MAST4: variants seen among roughly 807,000 people sequenced by gnomAD.
The protein encoded by MAST4 is microtubule associated serine/threonine kinase family member 4, also known as microtubule-associated serine/threonine-protein kinase 4.
A neutral mutation model predicts 162.7 loss-of-function variants in MAST4; 89 were observed. That is an observed-to-expected ratio of 0.55 (90% CI 0.46 to 0.65). The LOEUF (loss-of-function observed/expected upper bound fraction) is 0.65. Among genes scored for constraint, MAST4 ranks in the 30% least tolerant of loss-of-function variants. The pLI is 0.00. For missense variants in MAST4, 3,153 were observed against 3,374.0 expected, an observed-to-expected ratio of 0.93 and a Z score of 1.62; for synonymous variants, 1,479 against 1,361.1, an observed-to-expected ratio of 1.09 and a Z score of -1.91.
chr5:66,629,902 C>T (rs1350775633), intron 1 of MAST4, among the ~76,000 whole-genome samples: 2 of 152,132 alleles, frequency 1.3e-5, no homozygotes, highest in Non-Finnish European at 2.9e-5. Flanking sequence ...TATTTTGAAA[C>T]TTTGAAATAT....
intron 3 of MAST4, among the ~76,000 whole-genome samples, chr5:66,890,246 A>G (rs968054168): frequency 6.6e-6 from 1 of 152,138 alleles, no homozygotes; most frequent in African/African-American, 2.4e-5. Context: ...TAAACAATAA[A>G]CTAGAGCTGT....
intron 19 of MAST4, among the ~76,000 whole-genome samples, chr5:67,137,369 A>G (rs1312460883): frequency 6.6e-6 from 1 of 152,216 alleles, no homozygotes; most frequent in African/African-American, 2.4e-5. Context: ...AGTCTGCCCA[A>G]GTATGTGAAT....
At chr5:66,889,385 T>TG (rs1196458888) in intron 3 of MAST4, among the ~76,000 whole-genome samples, 1 of 152,222 alleles carries the variant, frequency 6.6e-6, no homozygotes, top group African/African-American at 2.4e-5. Context: ...TTGTCCACAA[T>TG]GACTTTAATT....
At chr5:66,685,396 A>G (rs1308205385) in intron 1 of MAST4, among the ~76,000 whole-genome samples, 7 of 152,230 alleles carry the variant, frequency 4.6e-5, no homozygotes, top group Admixed American at 4.6e-4. Flanking sequence ...GGTGTATTTT[A>G]AAGGATCAGA....
chr5:66,714,536 C>T (rs1320776826), intron 1 of MAST4, among the ~76,000 whole-genome samples: 2 of 152,166 alleles, frequency 1.3e-5, no homozygotes, highest in African/African-American at 4.8e-5. Flanking sequence ...ATTGTTTTCC[C>T]TTCTTCATCT....
At chr5:67,078,638 A>C (rs1761975313) in intron 5 of MAST4, among the ~76,000 whole-genome samples, 1 of 139,416 alleles carries the variant, frequency 7.2e-6, no homozygotes, top group African/African-American at 2.7e-5. Flanking sequence ...TTATATTTAT[A>C]TTTATATCTT....
chr5:66,782,323 G>A (rs189911573), intron 2 of MAST4, among the ~76,000 whole-genome samples: 239 of 151,530 alleles, frequency 1.6e-3, no homozygotes, highest in African/African-American at 5.3e-3. Context: ...CATTCTAGGA[G>A]AGGTCATATA....
chr5:66,946,725 C>T (rs939428032), intron 4 of MAST4, among the ~76,000 whole-genome samples: 2 of 152,070 alleles, frequency 1.3e-5, no homozygotes, highest in Non-Finnish European at 1.5e-5. Flanking sequence ...TTGTTTTTCA[C>T]GTAATGCTAA....
intron 5 of MAST4, among the ~76,000 whole-genome samples, chr5:67,058,344 C>A (rs1482223194): frequency 6.6e-6 from 1 of 152,102 alleles, no homozygotes; most frequent in Admixed American, 6.5e-5. Flanking sequence ...TTAGTGTAAC[C>A]ATTTTGGTTA....
chr5:66,602,705 G>A (rs1742635117), intron 1 of MAST4, among the ~76,000 whole-genome samples: 1 of 152,140 alleles, frequency 6.6e-6, no homozygotes, highest in Admixed American at 6.5e-5. Context: ...TGTTTTAGAT[G>A]AAAACCACCC....
At chr5:67,148,250 C>T (rs1008730512) in intron 23 of MAST4, among the ~76,000 whole-genome samples, 1 of 152,074 alleles carries the variant, frequency 6.6e-6, no homozygotes, top group African/African-American at 2.4e-5. Context: ...GCACATGGGG[C>T]TTATAATGTA....
intron 1 of MAST4, among the ~76,000 whole-genome samples, chr5:66,747,071 C>T (rs910830022): frequency 1.3e-5 from 2 of 149,082 alleles, no homozygotes; most frequent in African/African-American, 5.0e-5. Context: ...AATTGTATTG[C>T]TGGTGGTGGA....
chr5:66,676,001 G>A (rs1747921791), intron 1 of MAST4, among the ~76,000 whole-genome samples: 1 of 152,216 alleles, frequency 6.6e-6, no homozygotes, highest in African/African-American at 2.4e-5. Context: ...TCCATCACAA[G>A]GTAGAGATTT....
intron 19 of MAST4, among the ~76,000 whole-genome samples, chr5:67,137,116 G>T (rs1769757615): frequency 6.6e-6 from 1 of 152,144 alleles, no homozygotes; most frequent in African/African-American, 2.4e-5. Flanking sequence ...GCTTTGAAAT[G>T]GGTTATCAGT....
intron 3 of MAST4, among the ~76,000 whole-genome samples, chr5:66,830,235 T>C (rs140217153): frequency 1.5e-3 from 236 of 152,332 alleles, no homozygotes; most frequent in Non-Finnish European, 2.8e-3. Context: ...TTTTAAATGA[T>C]CTGAAAATGT....
chr5:66,773,324 G>A (rs924660140), intron 2 of MAST4, among the ~76,000 whole-genome samples: 3 of 152,162 alleles, frequency 2.0e-5, no homozygotes, highest in Non-Finnish European at 4.4e-5. Flanking sequence ...CATTGTCAGG[G>A]CTAAATTTAT....
At chr5:66,849,911 T>G (rs916921165) in intron 3 of MAST4, among the ~76,000 whole-genome samples, 16 of 152,196 alleles carry the variant, frequency 1.1e-4, no homozygotes, top group Non-Finnish European at 1.5e-5. Context: ...TAGAGGAGAC[T>G]CTCTCAAGGT....
chr5:66,936,706 C>T (rs1742787821), intron 4 of MAST4, among the ~76,000 whole-genome samples: 1 of 152,142 alleles, frequency 6.6e-6, no homozygotes, highest in South Asian at 2.1e-4. Context: ...AGCTTAGGCT[C>T]AGAGGCCTGA....
At chr5:66,924,551 G>A (rs1188069006) in intron 4 of MAST4, among the ~76,000 whole-genome samples, 1 of 151,896 alleles carries the variant, frequency 6.6e-6, no homozygotes, top group Non-Finnish European at 1.5e-5. Flanking sequence ...CCGCCACCGC[G>A]TCCACCACCG....
Sources: allele counts gnomAD v4.1 joint callset (sites outside exome capture counted in the v4.1 genomes callset), GRCh38; gene constraint gnomAD v4.1.1; transcripts MANE v1.5; gene names NCBI Gene and HGNC (gene_info 2026-07-23, HGNC 2026-07-21).